Variants in GPHN observed in about 807,000 individuals in gnomAD.
The protein encoded by GPHN is gephyrin.
A neutral mutation model predicts 95.5 loss-of-function variants in GPHN; 17 were observed. The observed-to-expected ratio is 0.18, with a 90% CI of 0.12 to 0.27. The LOEUF is 0.27. GPHN is among the 10% of genes least tolerant of loss of function. The probability of loss-of-function intolerance (pLI) is 1.00; values close to 1 mark genes in which losing one functional copy is unlikely to be tolerated. For missense variants in GPHN, 660 were observed against 978.1 expected (o/e 0.67, Z 4.34); for synonymous variants, 320 against 322.5 (o/e 0.99, Z 0.08).
the GPHN span, among the ~76,000 whole-genome samples, chr14:67,629,297 C>G: frequency 1.3e-5 from 2 of 152,196 alleles, no homozygotes; most frequent in African/African-American, 4.8e-5. Context: ...GATCATACCA[C>G]TGCATTCCAG....
At chr14:66,768,966 G>T (rs1190054654) in intron 2 of GPHN, among the ~76,000 whole-genome samples, 2 of 151,938 alleles carry the variant, frequency 1.3e-5, no homozygotes, top group African/African-American at 4.8e-5. Flanking sequence ...CATTAGAGAA[G>T]AACATTTTAG....
chr14:67,165,499 G>A (rs542224201), intron 20 of GPHN, among the ~76,000 whole-genome samples: 1 of 151,956 alleles, frequency 6.6e-6, no homozygotes, highest in South Asian at 2.1e-4. Flanking sequence ...ATCCTAAGAT[G>A]ATCATCAAGT....
At chr14:67,549,417 C>A in the GPHN span, among the ~76,000 whole-genome samples, 1 of 151,946 alleles carries the variant, frequency 6.6e-6, no homozygotes, top group Admixed American at 6.6e-5. Flanking sequence ...ATTACAGGCA[C>A]ATGCCACCAC....
At chr14:67,661,141 G>A in the GPHN span, among the ~76,000 whole-genome samples, 2 of 151,926 alleles carry the variant, frequency 1.3e-5, no homozygotes, top group South Asian at 2.1e-4. Context: ...ATCTGCTCTC[G>A]GGTAGCAAAT....
chr14:67,253,689 A>G, the GPHN span, among the ~76,000 whole-genome samples: 31 of 152,276 alleles, frequency 2.0e-4, no homozygotes, highest in Admixed American at 1.6e-3. Context: ...TACAAAAAAT[A>G]CAAAAAAATT....
chr14:67,425,711 C>A, the GPHN span, among the ~76,000 whole-genome samples: 11 of 152,044 alleles, frequency 7.2e-5, no homozygotes, highest in African/African-American at 2.4e-5. Context: ...CAGGGACCAG[C>A]CTCAGGGAGC....
At chr14:67,657,101 T>G in the GPHN span, 1 of 152,324 alleles carries the variant, frequency 6.6e-6, no homozygotes, top group Non-Finnish European at 1.5e-5. Context: ...GTTCTTCGTT[T>G]TAAGCCTCCA....
Position 66,934,086 on chromosome 14 carries a change from C to T in GPHN, c.828+9794C>T, listed in dbSNP as rs2066970754. Among the ~76,000 whole-genome samples, 3 of 144,968 alleles carry T rather than the reference C, an allele frequency of 2.1e-5. 1 individual carries two copies. In the South Asian group the frequency reaches 6.4e-4, roughly 31 times the overall value. ...CCCAGGAGGTTGAGGTTGCAGTGAGCTGTGATCATACTACTGCACTTCAAC... is the reference window on the plus strand; with the variant it reads ...CCCAGGAGGTTGAGGTTGCAGTGAGTTGTGATCATACTACTGCACTTCAAC... On this transcript the variant is annotated intron_variant, in intron 8 of 22. Transcript: ENST00000478722.
At chr14:67,540,436 G>T in the GPHN span, among the ~76,000 whole-genome samples, 667 of 152,090 alleles carry the variant, frequency 4.4e-3, 16 homozygotes, top group East Asian at 0.061. Flanking sequence ...GACCAGCCTG[G>T]CCAACATAGT....
At chr14:67,414,449 A>G in the GPHN span, among the ~76,000 whole-genome samples, 1 of 152,258 alleles carries the variant, frequency 6.6e-6, no homozygotes, top group South Asian at 2.1e-4. Context: ...AGAAGGAAGC[A>G]GACAGCAGTA....
At chr14:67,562,747 G>A in the GPHN span, 5 of 1,613,862 alleles carry the variant, frequency 3.1e-6, no homozygotes, top group Non-Finnish European at 4.2e-6. Context: ...GGTCCCGGGA[G>A]GAACCAGAGA....
chr14:66,928,798 G>A (rs1455243795), intron 8 of GPHN, among the ~76,000 whole-genome samples: 5 of 151,938 alleles, frequency 3.3e-5, no homozygotes, highest in Admixed American at 2.0e-4. Flanking sequence ...GGAGCATATT[G>A]TTTAATTTCC....
chr14:67,192,403 G>A, the GPHN span, among the ~76,000 whole-genome samples: 23 of 151,684 alleles, frequency 1.5e-4, no homozygotes, highest in African/African-American at 5.6e-4. Flanking sequence ...CTAACACCTT[G>A]AACAATCAAC....
chr14:67,168,504 T>C (rs1201295398), intron 20 of GPHN, among the ~76,000 whole-genome samples: 1 of 152,196 alleles, frequency 6.6e-6, no homozygotes, highest in African/African-American at 2.4e-5. Context: ...AGTTTCCTTA[T>C]GCTTATCTAT....
At chr14:67,446,108 G>A in the GPHN span, 1 of 498,666 alleles carries the variant, frequency 2.0e-6, no homozygotes. Flanking sequence ...CAGATCCTCT[G>A]GGAGGATGTG....
chr14:67,476,349 G>T, the GPHN span, among the ~76,000 whole-genome samples: 1 of 152,340 alleles, frequency 6.6e-6, no homozygotes, highest in Non-Finnish European at 1.5e-5. Flanking sequence ...AACTGTGAGA[G>T]GCTGAGGCGG....
At chr14:67,469,629 G>A in the GPHN span, among the ~76,000 whole-genome samples, 1 of 151,486 alleles carries the variant, frequency 6.6e-6, no homozygotes, top group Non-Finnish European at 1.5e-5. Flanking sequence ...CCTGGAAGGA[G>A]GAAAGTGGGC....
At chr14:66,550,025 T>C (rs1211368143) in intron 1 of GPHN, among the ~76,000 whole-genome samples, 1 of 152,174 alleles carries the variant, frequency 6.6e-6, no homozygotes, top group African/African-American at 2.4e-5. Flanking sequence ...CAGATAGAGA[T>C]ATACAAGGAG....
the GPHN span, among the ~76,000 whole-genome samples, chr14:67,598,712 A>AATTT: frequency 1.7e-5 from 1 of 59,412 alleles, no homozygotes; most frequent in Admixed American, 2.1e-4. Context: ...TTATGAACAA[A>AATTT]CTTTTTTTTT....
Sources: allele counts gnomAD v4.1 joint callset (sites outside exome capture counted in the v4.1 genomes callset), GRCh38; gene constraint gnomAD v4.1.1; transcripts MANE v1.5; gene names NCBI Gene and HGNC (gene_info 2026-07-23, HGNC 2026-07-21).